The following CRCP variants were observed in gnomAD, a reference collection of about 807,000 sequenced individuals.
The protein encoded by CRCP is DNA-directed RNA polymerase III subunit RPC9.
CRCP carries 18 observed loss-of-function variants against 18.5 expected under a neutral mutation model. The ratio of observed to expected loss-of-function variants is 0.97; its 90% CI spans 0.67 to 1.44. The LOEUF (loss-of-function observed/expected upper bound fraction) is 1.44. Among genes scored for constraint, CRCP ranks in the 40% most tolerant of loss-of-function variants. The probability of loss-of-function intolerance (pLI) is 0.00; values close to 1 mark genes in which losing one functional copy is unlikely to be tolerated. For missense variants in CRCP, 130 were observed against 176.4 expected (o/e 0.74, Z 1.49); for synonymous variants, 53 against 62.9 (o/e 0.84, Z 0.75).
At chr7:66,130,690 A>T in intron 2 of CRCP, 54 bp from the exon 3 acceptor site, 1 of 1,048,050 alleles carries the variant, frequency 9.5e-7, no homozygotes, top group East Asian at 2.4e-5. Context: ...CTGACCTTGG[A>T]TAGATATATT....
chr7:66,140,839 C>T (rs569812756), intron 4 of CRCP, among the ~76,000 whole-genome samples: 1 of 152,308 alleles, frequency 6.6e-6, no homozygotes, highest in East Asian at 1.9e-4. Flanking sequence ...AGCCCAACAT[C>T]TTTTCTACTG....
rs558815678 is a variant in CRCP, at chr7:66,138,887, C to G, written c.239+4513C>G. On this transcript the variant is annotated intron_variant, in intron 4 of 5. Coordinates refer to ENST00000395326, the MANE Select transcript of CRCP (RefSeq NM_014478.5). The stretch of plus-strand genomic sequence containing the variant: ...ATGATATATTTCAGCTTTTTTTTCC[C>G]CAGTTTATTTTTGCTGAGCTTCTTG... Among the ~76,000 whole-genome samples the G allele has an allele frequency of 6.0e-5, 9 of 150,476 alleles. No homozygotes were observed. The East Asian group carries it at 9.7e-4, about 16-fold the overall frequency.
chr7:66,146,589 T>G (rs1656642592), intron 5 of CRCP, among the ~76,000 whole-genome samples: 1 of 152,244 alleles, frequency 6.6e-6, no homozygotes. Context: ...ATACGATTTT[T>G]AGAGTTGCTA....
intron 5 of CRCP, 118 bp downstream of exon 5, chr7:66,145,618 T>G: frequency 2.8e-6 from 3 of 1,058,318 alleles, no homozygotes; most frequent in Non-Finnish European, 4.3e-6. Flanking sequence ...CTCCATTTCT[T>G]AAGGAAAAAG....
intron 2 of CRCP, 136 bp downstream of exon 2, chr7:66,127,876 G>T: frequency 1.1e-6 from 1 of 916,098 alleles, no homozygotes. Context: ...CACTTTGGGA[G>T]GCTGAGGCTG....
intron 5 of CRCP, among the ~76,000 whole-genome samples, chr7:66,151,801 G>C (rs1011563851): frequency 5.6e-5 from 8 of 143,532 alleles, no homozygotes; most frequent in Non-Finnish European, 1.1e-4. Context: ...CACCCAGGCT[G>C]GAGTGCTTGG....
chr7:66,125,949 A>T lies in CRCP; in HGVS notation c.9-1755A>T, dbSNP rs1211888294. Among the ~76,000 whole-genome samples the T allele has an allele frequency of 6.7e-5, 10 of 149,466 alleles. 1 individual carries two copies. On this transcript the variant is annotated intron_variant, in intron 1 of 5. Coordinates refer to ENST00000395326, the MANE Select transcript of CRCP (RefSeq NM_014478.5). ...AAGCCAGTGGGCAGATTTCCTGATT[A>T]AGCAGGCAAAGATGACATGTGGTTT...
intron 4 of CRCP, among the ~76,000 whole-genome samples, chr7:66,140,382 C>G (rs575713101): frequency 1.1e-3 from 157 of 147,790 alleles, no homozygotes; most frequent in Middle Eastern, 3.6e-3. Flanking sequence ...CTGGAGATTT[C>G]TTCTTTTCTT....
At chr7:66,151,753 T>C (rs1788479979) in intron 5 of CRCP, among the ~76,000 whole-genome samples, 2 of 26,396 alleles carry the variant, frequency 7.6e-5, no homozygotes, top group Admixed American at 3.8e-4. Flanking sequence ...TTTTCTTTTC[T>C]TTTTTTTTTT....
chr7:66,133,342 A>G (rs1035939099), intron 3 of CRCP, among the ~76,000 whole-genome samples: 1 of 152,042 alleles, frequency 6.6e-6, no homozygotes, highest in African/African-American at 2.4e-5. Context: ...CGTCTCTACT[A>G]AAAATACAAA....
chr7:66,124,763 T>A (rs182802712), intron 1 of CRCP, among the ~76,000 whole-genome samples: 4 of 150,156 alleles, frequency 2.7e-5, no homozygotes, highest in African/African-American at 7.2e-5. Context: ...ATTAGAGAGT[T>A]GTAGATAGCA....
chr7:66,146,059 G>A (rs1788283905), intron 5 of CRCP, among the ~76,000 whole-genome samples: 1 of 151,978 alleles, frequency 6.6e-6, no homozygotes, highest in Non-Finnish European at 1.5e-5. Flanking sequence ...TCTCTCCCCC[G>A]TGTACTGCGT....
chr7:66,141,173 C>G (rs1256102781), intron 4 of CRCP, among the ~76,000 whole-genome samples: 1 of 152,182 alleles, frequency 6.6e-6, no homozygotes, highest in African/African-American at 2.4e-5. Flanking sequence ...GTGGCTGGGC[C>G]TGGCTCCTCT....
chr7:66,119,028 C>T (rs945682641), intron 1 of CRCP, among the ~76,000 whole-genome samples: 4 of 152,152 alleles, frequency 2.6e-5, no homozygotes, highest in African/African-American at 4.8e-5. Flanking sequence ...TGACCTATCT[C>T]GTCTGATTGT....
intron 2 of CRCP, 145 bp downstream of exon 2, chr7:66,127,885 T>C (rs907637227): frequency 2.3e-6 from 2 of 859,350 alleles, no homozygotes; most frequent in Admixed American, 2.2e-5. Context: ...AGGCTGAGGC[T>C]GGATCACTTG....
At chr7:66,116,357 T>C (rs1787261648) in intron 1 of CRCP, among the ~76,000 whole-genome samples, 1 of 151,644 alleles carries the variant, frequency 6.6e-6, no homozygotes, top group African/African-American at 2.4e-5. Context: ...TAGCTGGGTG[T>C]GGTGGTTCAT....
At chr7:66,130,388 GCCATCA>G in intron 2 of CRCP, 1 of 185,280 alleles carries the variant, frequency 5.4e-6, no homozygotes, top group Non-Finnish European at 1.1e-5. Context: ...ACAGGCGTGA[GCCATCA>G]TGCCTGGACC....
At chr7:66,115,648 A>G (rs1787237567) in intron 1 of CRCP, among the ~76,000 whole-genome samples, 1 of 152,164 alleles carries the variant, frequency 6.6e-6, no homozygotes. Flanking sequence ...AAGATTTTGC[A>G]TCTACTCTGA....
At chr7:66,138,090 T>G (rs1319920498) in intron 4 of CRCP, among the ~76,000 whole-genome samples, 1 of 152,236 alleles carries the variant, frequency 6.6e-6, no homozygotes, top group African/African-American at 2.4e-5. Flanking sequence ...AGAACAGGTC[T>G]CTTGGCTACA....
Sources: allele counts gnomAD v4.1 joint callset (sites outside exome capture counted in the v4.1 genomes callset), GRCh38; gene constraint gnomAD v4.1.1; transcripts MANE v1.5; gene names NCBI Gene and HGNC (gene_info 2026-07-23, HGNC 2026-07-21).